TLE4: variants seen among roughly 807,000 people sequenced by gnomAD.
TLE4 encodes TLE family member 4, transcriptional corepressor.
In TLE4, 8 loss-of-function variants were observed where a neutral mutation model predicts 92.8. The observed-to-expected ratio is 0.09, with a 90% CI of 0.05 to 0.16. TLE4 has a LOEUF of 0.16. Ranked by LOEUF, TLE4 falls within the 10% of genes least tolerant of loss-of-function variation. The pLI, the probability that TLE4 is intolerant of heterozygous loss-of-function variation, is 1.00. For synonymous variants in TLE4, 371 were observed against 374.1 expected (o/e 0.99, Z 0.10); for missense variants, 675 against 997.6 (o/e 0.68, Z 4.36).
chr9:79,629,788 A>G (rs980582451), intron 6 of TLE4, among the ~76,000 whole-genome samples: 1 of 152,196 alleles, frequency 6.6e-6, no homozygotes, highest in Non-Finnish European at 1.5e-5. Context: ...TTACAAACTC[A>G]CTTGACAAAT....
chr9:79,681,846 G>C (rs1333604457), intron 8 of TLE4, among the ~76,000 whole-genome samples: 3 of 149,234 alleles, frequency 2.0e-5, no homozygotes, highest in East Asian at 3.9e-4. Context: ...GTGTGTGTGT[G>C]TGTGTGTGTG....
Position 79,718,089 on chromosome 9 carries a change from T to C in TLE4, c.1341-633T>C, listed in dbSNP as rs1358312543. On this transcript the variant is annotated intron_variant, in intron 14 of 19. Coordinates refer to ENST00000376552, the MANE Select transcript of TLE4 (RefSeq NM_007005.6). ...ACTCACAGGTAGGCCTTTGGGGCTG[T>C]CAGGATGCCTTTTTAGGTTCTCATT... 3 of 456,476 alleles carry C rather than the reference T, an allele frequency of 6.6e-6. 1 individual carries two copies. In the Admixed American group the frequency reaches 7.0e-5, roughly 11 times the overall value. The allele number at this position is 456,476 out of a possible 1,614,324, so 28.3% of individuals were successfully genotyped here. A position where few individuals can be genotyped will look rare whatever the true frequency, so the allele number is the denominator to read the frequency against.
intron 8 of TLE4, among the ~76,000 whole-genome samples, chr9:79,675,346 G>A (rs1171004023): frequency 2.0e-5 from 3 of 152,118 alleles, no homozygotes; most frequent in Non-Finnish European, 4.4e-5. Context: ...TAGTTGGGTG[G>A]CAGTCACAGA....
At chr9:79,618,867 T>C (rs923356267) in intron 5 of TLE4, among the ~76,000 whole-genome samples, 27 of 152,190 alleles carry the variant, frequency 1.8e-4, no homozygotes, top group Admixed American at 1.5e-3. Context: ...CGTTATTCTT[T>C]TTACAATATT....
At chr9:79,603,282 A>G (rs982407522) in intron 4 of TLE4, among the ~76,000 whole-genome samples, 1 of 152,142 alleles carries the variant, frequency 6.6e-6, no homozygotes, top group East Asian at 1.9e-4. Context: ...AGCATCACAT[A>G]CTACAGAGAA....
intron 5 of TLE4, among the ~76,000 whole-genome samples, chr9:79,619,567 G>A (rs1324257792): frequency 2.0e-5 from 3 of 152,110 alleles, no homozygotes. Flanking sequence ...TAACAGGTTT[G>A]ATATAGGAGA....
At chr9:79,708,851 C>G in intron 13 of TLE4, 65 bp downstream of exon 13, 1 of 1,500,518 alleles carries the variant, frequency 6.7e-7, no homozygotes, top group Non-Finnish European at 8.9e-7. Flanking sequence ...TGATTGATTG[C>G]GACAGGGTCT....
intron 6 of TLE4, chr9:79,650,008 C>A (rs898398634): frequency 1.7e-6 from 1 of 602,524 alleles, no homozygotes; most frequent in Non-Finnish European, 2.5e-6. Flanking sequence ...CATGACCTCC[C>A]TGGCTCAGGT....
intron 8 of TLE4, among the ~76,000 whole-genome samples, chr9:79,696,128 C>T (rs1317412342): frequency 6.6e-6 from 1 of 152,062 alleles, no homozygotes; most frequent in African/African-American, 2.4e-5. Flanking sequence ...AAATGCACAT[C>T]AGATTTTGAA....
At chr9:79,720,377 G>GGTGT (rs71364488) in intron 16 of TLE4, 84 bp downstream of exon 16, 112 of 316,488 alleles carry the variant, frequency 3.5e-4, no homozygotes, top group East Asian at 2.5e-3. Context: ...TATAGGTATG[G>GGTGT]GTGTGTGTGT....
intron 8 of TLE4, among the ~76,000 whole-genome samples, chr9:79,697,329 T>G (rs2068535382): frequency 6.6e-6 from 1 of 152,188 alleles, no homozygotes; most frequent in Non-Finnish European, 1.5e-5. Flanking sequence ...GTTAATACCA[T>G]GCCATCTCTA....
At chr9:79,702,693 A>T (rs1181537694) in intron 8 of TLE4, among the ~76,000 whole-genome samples, 1 of 152,158 alleles carries the variant, frequency 6.6e-6, no homozygotes, top group Non-Finnish European at 1.5e-5. Flanking sequence ...ATTCATATAA[A>T]ACCTCAAGAG....
At chr9:79,579,278 G>T (rs1203210599) in intron 4 of TLE4, among the ~76,000 whole-genome samples, 2 of 152,210 alleles carry the variant, frequency 1.3e-5, no homozygotes, top group Non-Finnish European at 2.9e-5. Context: ...GCACAGTGGG[G>T]TGATGCATGG....
intron 8 of TLE4, among the ~76,000 whole-genome samples, chr9:79,679,677 A>G (rs1382885069): frequency 6.6e-6 from 1 of 152,232 alleles, no homozygotes; most frequent in African/African-American, 2.4e-5. Context: ...TGTTTTAGAC[A>G]TGAAATCCTT....
At chr9:79,687,066 A>G (rs999809285) in intron 8 of TLE4, among the ~76,000 whole-genome samples, 1 of 152,248 alleles carries the variant, frequency 6.6e-6, no homozygotes, top group South Asian at 2.1e-4. Context: ...GCCCACATGC[A>G]GCTCACATTT....
intron 4 of TLE4, among the ~76,000 whole-genome samples, chr9:79,584,619 T>G (rs1457742787): frequency 6.6e-6 from 1 of 152,150 alleles, no homozygotes. Context: ...AATAAAATAT[T>G]TGGTGAATGA....
At chr9:79,588,463 A>C (rs1046832192) in intron 4 of TLE4, among the ~76,000 whole-genome samples, 5 of 152,142 alleles carry the variant, frequency 3.3e-5, no homozygotes, top group African/African-American at 1.2e-4. Flanking sequence ...CTTGTTTTCT[A>C]AATGAAAAAA....
chr9:79,712,228 G>A (rs1421333199), intron 14 of TLE4, among the ~76,000 whole-genome samples: 1 of 152,172 alleles, frequency 6.6e-6, no homozygotes, highest in Non-Finnish European at 1.5e-5. Context: ...GTAGTAGGAG[G>A]TACATTGTGT....
chr9:79,710,340 T>G (rs1478208054), intron 14 of TLE4, among the ~76,000 whole-genome samples: 2 of 152,230 alleles, frequency 1.3e-5, no homozygotes, highest in Admixed American at 1.3e-4. Flanking sequence ...AACAAAGATT[T>G]TACTATAAAG....
Sources: allele counts gnomAD v4.1 joint callset (sites outside exome capture counted in the v4.1 genomes callset), GRCh38; gene constraint gnomAD v4.1.1; transcripts MANE v1.5; gene names NCBI Gene and HGNC (gene_info 2026-07-23, HGNC 2026-07-21).